Variants in SNCAIP observed in about 807,000 individuals in gnomAD.
The protein encoded by SNCAIP is synuclein alpha interacting protein, also known as synphilin-1.
SNCAIP carries 43 observed loss-of-function variants against 86.7 expected under a neutral mutation model. The observed-to-expected ratio is 0.50, with a 90% confidence interval of 0.39 to 0.64. SNCAIP has a LOEUF of 0.64. SNCAIP is among the 30% of genes least tolerant of loss of function. The pLI is 0.00. For synonymous variants in SNCAIP, 417 were observed against 427.2 expected (o/e 0.98, Z 0.29); for missense variants, 981 against 1,103.1 (o/e 0.89, Z 1.57).
At chr5:122,383,220 C>T (rs1390575997) in intron 1 of SNCAIP, among the ~76,000 whole-genome samples, 2 of 152,228 alleles carry the variant, frequency 1.3e-5, no homozygotes, top group East Asian at 1.9e-4. Flanking sequence ...CCCTCCGAGC[C>T]AGGTGCGGGA....
At chr5:122,397,973 C>A (rs984317520) in intron 2 of SNCAIP, among the ~76,000 whole-genome samples, 1 of 152,062 alleles carries the variant, frequency 6.6e-6, no homozygotes, top group Non-Finnish European at 1.5e-5. Flanking sequence ...TGAAAAATGC[C>A]GTCTGGATTT....
chr5:122,352,284 T>G (rs894229889), intron 1 of SNCAIP, among the ~76,000 whole-genome samples: 2 of 152,198 alleles, frequency 1.3e-5, no homozygotes, highest in African/African-American at 4.8e-5. Context: ...TTTAAAAGAA[T>G]ATGTTTTTAT....
chr5:122,441,534 C>G (rs893472052), intron 7 of SNCAIP, among the ~76,000 whole-genome samples: 3 of 152,124 alleles, frequency 2.0e-5, no homozygotes, highest in African/African-American at 7.2e-5. Flanking sequence ...CAAGAAAGCT[C>G]CCTAGAGAGT....
At chr5:122,443,387 A>T (rs1781515573) in intron 7 of SNCAIP, among the ~76,000 whole-genome samples, 1 of 152,230 alleles carries the variant, frequency 6.6e-6, no homozygotes, top group African/African-American at 2.4e-5. Context: ...GACACAAAAT[A>T]GTTTGGATTT....
At chr5:122,399,084 ATAT>A (rs1771230969) in intron 2 of SNCAIP, among the ~76,000 whole-genome samples, 1 of 152,122 alleles carries the variant, frequency 6.6e-6, no homozygotes, top group Non-Finnish European at 1.5e-5. Flanking sequence ...AGGCTAAGTT[ATAT>A]TTCCTTTCCT....
rs1348328589 is a variant in SNCAIP, at chr5:122,425,524, C to G, written c.1175C>G (p.Ala392Gly). 1 of 1,613,580 alleles carries G rather than the reference C, an allele frequency of 6.2e-7. No homozygotes were observed. The highest frequency in any genetic ancestry group is 1.7e-5 in the Admixed American group (1 of 60,014). Reference sequence around the variant, plus strand: ...GAGAAGTTGACTCCAGCAGGCCTGGCCATTAAGGTGACTGGTTGGGGGCTG... The same window carrying G: ...GAGAAGTTGACTCCAGCAGGCCTGGGCATTAAGGTGACTGGTTGGGGGCTG... The part of the protein sequence containing the change: ...NTEKLTPAGL[A>G]IKNGQLECVR... The change falls in exon 5 of 11, where the codon GCC (alanine) becomes GGC (glycine). Residue 392 changes from alanine to glycine, a missense_variant. By Grantham distance (60) the Ala-to-Gly change is moderately conservative. Coordinates refer to ENST00000261368, the MANE Select transcript of SNCAIP (RefSeq NM_005460.4).
At position 122,316,685 on chromosome 5, in the gene SNCAIP, C is replaced by A. The variant is rs947356175; in HGVS notation, c.-47+4401C>A. Among the ~76,000 whole-genome samples, 6 of 152,180 alleles carry A rather than the reference C, an allele frequency of 3.9e-5. No individual in the cohort carries two copies. In the East Asian group the frequency reaches 1.2e-3, roughly 29 times the overall value. On this transcript the variant is annotated intron_variant, in intron 1 of 10. Coordinates refer to ENST00000261368, the MANE Select transcript of SNCAIP (RefSeq NM_005460.4). ...CTGGCACAATGCCTCATCCAGACTCCTTCATTAACGTTAATGGATGTTTAA... is the reference window on the plus strand; with the variant it reads ...CTGGCACAATGCCTCATCCAGACTCATTCATTAACGTTAATGGATGTTTAA...
At chr5:122,403,307 C>T (rs1344912238) in intron 2 of SNCAIP, among the ~76,000 whole-genome samples, 2 of 152,180 alleles carry the variant, frequency 1.3e-5, no homozygotes, top group African/African-American at 4.8e-5. Context: ...CAAGTGGCAA[C>T]ATTAGGAACT....
chr5:122,407,593 A>C (rs1329469954), intron 3 of SNCAIP, among the ~76,000 whole-genome samples: 1 of 152,244 alleles, frequency 6.6e-6, no homozygotes, highest in African/African-American at 2.4e-5. Flanking sequence ...GTCTGCAAGA[A>C]AGAGCAAGTG....
chr5:122,441,450 A>G (rs895617399), intron 7 of SNCAIP, among the ~76,000 whole-genome samples: 9 of 152,202 alleles, frequency 5.9e-5, no homozygotes, highest in Admixed American at 4.6e-4. Flanking sequence ...ATGATGTCAA[A>G]AAGTTGGGGA....
At chr5:122,438,666 G>A (rs1187344563) in intron 6 of SNCAIP, among the ~76,000 whole-genome samples, 2 of 152,122 alleles carry the variant, frequency 1.3e-5, no homozygotes, top group Non-Finnish European at 2.9e-5. Flanking sequence ...ACTTCATTTT[G>A]CTTAAAGTCG....
rs537293191 is a variant in SNCAIP at position 122,360,480 on chromosome 5, C to G, written c.-46-30609C>G. Among the ~76,000 whole-genome samples, 6 of 152,302 alleles carry G rather than the reference C, an allele frequency of 3.9e-5. No homozygotes were observed. The South Asian group carries it at 6.2e-4, about 16-fold the overall frequency. On this transcript the variant is annotated intron_variant, in intron 1 of 10. Transcript: ENST00000261368. ...ACTCCAACATCCAGCCCCACATAAC[C>G]TCATCAGCTTAAGATGGAATGATTT... is the stretch of plus-strand genomic sequence containing the variant.
intron 2 of SNCAIP, among the ~76,000 whole-genome samples, chr5:122,399,538 G>A (rs1055034569): frequency 6.6e-6 from 1 of 152,070 alleles, no homozygotes; most frequent in African/African-American, 2.4e-5. Flanking sequence ...GTTTTTCTAA[G>A]ATTAGTGCTA....
intron 6 of SNCAIP, among the ~76,000 whole-genome samples, chr5:122,433,720 T>A (rs1778858743): frequency 6.6e-6 from 1 of 152,204 alleles, no homozygotes; most frequent in Non-Finnish European, 1.5e-5. Context: ...GATTACTGGT[T>A]ATTAAGGCAT....
At chr5:122,403,649 A>T (rs1185161702) in intron 2 of SNCAIP, 144 bp from the exon 3 acceptor site, 1 of 779,236 alleles carries the variant, frequency 1.3e-6, no homozygotes, top group Admixed American at 1.7e-5. Flanking sequence ...CACGCAGCCC[A>T]TTTAGGGTAA....
Position 122,423,344 on chromosome 5 carries a change from A to G in SNCAIP, c.607A>G (p.Asn203Asp). The change falls in exon 4 of 11, where the codon AAC becomes GAC. Residue 203 changes from asparagine (N) to aspartate (D), a missense_variant. Coordinates refer to ENST00000261368, the MANE Select transcript of SNCAIP (RefSeq NM_005460.4). ...STGSSESSSS[N>D]MAPFCVLSPV... ...AGGAAGTTCTGAGAGCTCATCATCC[A>G]ACATGGCACCATTTTGTGTTCTTTC... 2 of 1,613,982 alleles carry G rather than the reference A, an allele frequency of 1.2e-6. No individual in the cohort carries two copies. The highest frequency in any genetic ancestry group is 1.7e-6 in the Non-Finnish European group (2 of 1,179,924).
In SNCAIP at chr5:122,356,632, G is replaced by A. The variant is rs867243160; in HGVS notation, c.-46-34457G>A. Among the ~76,000 whole-genome samples the A allele has an allele frequency of 5.9e-5, 9 of 152,110 alleles. No homozygotes were observed. In the South Asian group the frequency reaches 1.5e-3, roughly 25 times the overall value. On this transcript the variant is annotated intron_variant, in intron 1 of 10. Coordinates refer to ENST00000261368, the MANE Select transcript of SNCAIP (RefSeq NM_005460.4). The stretch of plus-strand genomic sequence containing the variant: ...AGCACCTTCTTTCTCTTGGTTCCAG[G>A]GTCAGTCCCTCCCCAGTGCCTGCTG...
intron 10 of SNCAIP, 57 bp from the exon 11 acceptor site, chr5:122,463,434 C>A: frequency 9.8e-7 from 1 of 1,017,674 alleles, no homozygotes; most frequent in Non-Finnish European, 1.6e-6. Flanking sequence ...GTGGTATTGT[C>A]TTGTAACTTG....
intron 6 of SNCAIP, 86 bp downstream of exon 6, chr5:122,432,168 A>G: frequency 1.4e-6 from 1 of 723,748 alleles, no homozygotes; most frequent in South Asian, 1.5e-5. Context: ...AAATCCAAAC[A>G]TAAGAAATCA....
Sources: gnomAD v4.1 joint callset for allele counts (sites outside exome capture counted in the v4.1 genomes callset) on GRCh38, gnomAD v4.1.1 for gene constraint, MANE v1.5 for transcripts, NCBI Gene and HGNC (gene_info 2026-07-23, HGNC 2026-07-21) for gene names.